KCNQ5: variants seen among roughly 807,000 people sequenced by gnomAD.
The protein encoded by KCNQ5 is potassium voltage-gated channel subfamily Q member 5.
In KCNQ5, 30 loss-of-function variants were observed where a neutral mutation model predicts 98.2. That is an observed-to-expected ratio of 0.31 (90% CI 0.23 to 0.41). The LOEUF (loss-of-function observed/expected upper bound fraction) is 0.41, where lower values mean the gene tolerates loss of function less well. KCNQ5 is among the 10% of genes least tolerant of loss of function. The probability of loss-of-function intolerance (pLI) is 1.00; values close to 1 mark genes in which losing one functional copy is unlikely to be tolerated. For missense variants in KCNQ5, 835 were observed against 1,182.5 expected (o/e 0.71, Z 4.31); for synonymous variants, 458 against 449.4 (o/e 1.02, Z -0.24).
intron 1 of KCNQ5, among the ~76,000 whole-genome samples, chr6:72,941,579 C>CT (rs1766297187): frequency 7.4e-6 from 1 of 134,488 alleles, no homozygotes; most frequent in Non-Finnish European, 1.7e-5. Flanking sequence ...TCCTCCTTCC[C>CT]TCCCTCCCTT....
At chr6:72,865,738 T>A (rs190111435) in intron 1 of KCNQ5, among the ~76,000 whole-genome samples, 284 of 152,312 alleles carry the variant, frequency 1.9e-3, no homozygotes, top group Non-Finnish European at 2.4e-3. Flanking sequence ...AGATTACTAA[T>A]AATGTCTTCT....
At chr6:72,811,501 C>A (rs1283448744) in intron 1 of KCNQ5, among the ~76,000 whole-genome samples, 1 of 152,140 alleles carries the variant, frequency 6.6e-6, no homozygotes, top group African/African-American at 2.4e-5. Context: ...TATACGCAAG[C>A]ATCTCTTTCC....
At chr6:72,812,208 A>G (rs753988585) in intron 1 of KCNQ5, among the ~76,000 whole-genome samples, 12 of 152,190 alleles carry the variant, frequency 7.9e-5, no homozygotes, top group Non-Finnish European at 1.8e-4. Context: ...CAGGGTCTTT[A>G]TGACCTGTAT....
At chr6:72,661,404 A>G (rs994468635) in intron 1 of KCNQ5, among the ~76,000 whole-genome samples, 6 of 152,130 alleles carry the variant, frequency 3.9e-5, no homozygotes, top group African/African-American at 1.4e-4. Flanking sequence ...TACAATTAAT[A>G]AAAAGTGAAT....
intron 1 of KCNQ5, among the ~76,000 whole-genome samples, chr6:72,703,990 T>C (rs193072080): frequency 2.0e-5 from 3 of 152,348 alleles, no homozygotes; most frequent in African/African-American, 7.2e-5. Flanking sequence ...TTAAAACATT[T>C]GGCAAAACCA....
At chr6:72,780,569 G>A (rs1429796968) in intron 1 of KCNQ5, among the ~76,000 whole-genome samples, 1 of 152,150 alleles carries the variant, frequency 6.6e-6, no homozygotes, top group Non-Finnish European at 1.5e-5. Flanking sequence ...AGGACAAGGA[G>A]GTGTGAGAAG....
Position 73,175,429 on chromosome 6 carries a change from G to A in KCNQ5, c.1577+5575G>A, listed in dbSNP as rs552757204. Among the ~76,000 whole-genome samples, 35 of 152,216 alleles carry A rather than the reference G, an allele frequency of 2.3e-4. No individual in the cohort carries two copies. In the South Asian group the frequency reaches 7.0e-3, roughly 31 times the overall value. ...GGCTTCCCTAAGTGCTGGGATTACA[G>A]ACATGAGTCACTGCGCCTGGTCTAG... is the stretch of plus-strand genomic sequence containing the variant. On this transcript the variant is annotated intron_variant, in intron 11 of 13. Coordinates refer to ENST00000370398, the MANE Select transcript of KCNQ5 (RefSeq NM_019842.4).
chr6:72,781,589 T>G (rs552495235), intron 1 of KCNQ5, among the ~76,000 whole-genome samples: 6 of 152,316 alleles, frequency 3.9e-5, no homozygotes, highest in African/African-American at 1.4e-4. Context: ...ATTAATCTCA[T>G]TTGGATTCCC....
At chr6:72,760,856 C>T (rs972310128) in intron 1 of KCNQ5, among the ~76,000 whole-genome samples, 6 of 151,984 alleles carry the variant, frequency 3.9e-5, no homozygotes, top group African/African-American at 7.2e-5. Flanking sequence ...GCAAGGAATG[C>T]GTTAGTTAAG....
chr6:72,885,646 C>T (rs1778818788), intron 1 of KCNQ5, among the ~76,000 whole-genome samples: 2 of 152,058 alleles, frequency 1.3e-5, no homozygotes, highest in African/African-American at 4.8e-5. Flanking sequence ...CCCTTAAAGG[C>T]CTGAATTAAA....
intron 5 of KCNQ5, among the ~76,000 whole-genome samples, chr6:73,084,949 T>C (rs1000294813): frequency 1.3e-5 from 2 of 152,210 alleles, no homozygotes; most frequent in Non-Finnish European, 2.9e-5. Context: ...ACTCAGTTCA[T>C]GTACAAAGGA....
chr6:72,781,296 C>T (rs1773454844), intron 1 of KCNQ5, among the ~76,000 whole-genome samples: 1 of 152,130 alleles, frequency 6.6e-6, no homozygotes, highest in African/African-American at 2.4e-5. Context: ...GAATTTGTCC[C>T]TAGAGTCTTC....
At chr6:73,077,656 A>C in intron 4 of KCNQ5, 106 bp from the exon 5 acceptor site, 3 of 1,290,426 alleles carry the variant, frequency 2.3e-6, no homozygotes, top group Non-Finnish European at 3.2e-6. Flanking sequence ...AAGAGCCATC[A>C]TAAACATCCA....
intron 1 of KCNQ5, among the ~76,000 whole-genome samples, chr6:72,715,157 A>C (rs1194694359): frequency 6.6e-6 from 1 of 152,192 alleles, no homozygotes; most frequent in Non-Finnish European, 1.5e-5. Context: ...ATATTTATTT[A>C]ATTTGACAGA....
At chr6:73,102,733 T>G (rs9341407) in intron 5 of KCNQ5, among the ~76,000 whole-genome samples, 145,602 of 152,172 alleles carry the variant, frequency 0.96, 69,653 homozygotes, top group South Asian at 0.98. Context: ...ACAAATGCTG[T>G]CAAGGATTTG....
chr6:72,837,931 AT>A (rs953286479), intron 1 of KCNQ5, among the ~76,000 whole-genome samples: 7 of 148,876 alleles, frequency 4.7e-5, no homozygotes, highest in East Asian at 2.0e-4. Flanking sequence ...ACACCAAGTT[AT>A]TTTTTTTTTG....
rs189911166 is a variant in KCNQ5 at position 73,121,731 on chromosome 6, T to C, written c.1220+1154T>C. Reference sequence around the variant, plus strand: ...ACATTCCCTGGCAGTACCGTCTTAATGGAGGTTTGTGATGCAGCAGAATGC... The same window carrying C: ...ACATTCCCTGGCAGTACCGTCTTAACGGAGGTTTGTGATGCAGCAGAATGC... On this transcript the variant is annotated intron_variant, in intron 8 of 13. Coordinates refer to ENST00000370398, the MANE Select transcript of KCNQ5 (RefSeq NM_019842.4). 6.6e-5 allele frequency among the ~76,000 whole-genome samples: 10 copies of C among 152,294 alleles called. No homozygotes were observed. The East Asian group carries it at 1.9e-3, about 29-fold the overall frequency.
chr6:73,140,250 T>C (rs992265374), intron 10 of KCNQ5, among the ~76,000 whole-genome samples: 1 of 152,236 alleles, frequency 6.6e-6, no homozygotes, highest in African/African-American at 2.4e-5. Flanking sequence ...AATCCTCTTT[T>C]ATGCTTATTT....
intron 1 of KCNQ5, among the ~76,000 whole-genome samples, chr6:72,884,303 T>A (rs9342983): frequency 0.6 from 91,116 of 152,006 alleles, 27,977 homozygotes; most frequent in East Asian, 0.79. Flanking sequence ...TCATTGTTGG[T>A]TTTTATAGAC....
Sources: gnomAD v4.1 joint callset for allele counts (sites outside exome capture counted in the v4.1 genomes callset) on GRCh38, gnomAD v4.1.1 for gene constraint, MANE v1.5 for transcripts, NCBI Gene and HGNC (gene_info 2026-07-23, HGNC 2026-07-21) for gene names.